The following IGF1 variants were observed in gnomAD, a reference collection of about 807,000 sequenced individuals.
IGF1 encodes the protein insulin-like growth factor 1.
Under a neutral mutation model 13.8 loss-of-function variants are expected in IGF1, and 4 were observed. The observed-to-expected ratio is 0.29, with a 90% CI of 0.14 to 0.66. IGF1 has a LOEUF of 0.66. Ranked by LOEUF, IGF1 falls within the 30% of genes least tolerant of loss-of-function variation. The probability of loss-of-function intolerance (pLI) is 0.78; values close to 1 mark genes in which losing one functional copy is unlikely to be tolerated. For synonymous variants in IGF1, 76 were observed against 72.6 expected, an observed-to-expected ratio of 1.05 and a Z score of -0.23; for missense variants, 124 against 188.5, an observed-to-expected ratio of 0.66 and a Z score of 2.00.
intron 1 of IGF1, among the ~76,000 whole-genome samples, chr12:102,479,476 C>T (rs867831164): frequency 1.3e-5 from 2 of 152,092 alleles, no homozygotes; most frequent in Admixed American, 6.5e-5. Flanking sequence ...GGCCAGCAAT[C>T]GGAAACGAGA....
intron 2 of IGF1, among the ~76,000 whole-genome samples, chr12:102,460,473 G>T (rs1387857346): frequency 6.6e-6 from 1 of 152,190 alleles, no homozygotes; most frequent in African/African-American, 2.4e-5. Flanking sequence ...CTCTTTGAAG[G>T]GATGGCATCA....
rs573337056 is a variant in IGF1 at position 102,438,762 on chromosome 12, CA to C, written c.221-19073del. Among the ~76,000 whole-genome samples the C allele has an allele frequency of 1.3e-3, 201 of 152,230 alleles. 2 individuals are homozygous for C. Among genetic ancestry groups the C allele is most frequent in the African/African-American group, 4.5e-3 (188 of 41,548 alleles). ...TAGTGCTGGGTCTGTCAGAAGAAAA[CA>C]TGAGGGAAGTGGGTTTGCTTTATGG... On this transcript the variant is annotated intron_variant, in intron 2 of 3. Transcript: ENST00000337514.
chr12:102,421,251 C>T (rs970855608), intron 2 of IGF1, among the ~76,000 whole-genome samples: 4 of 152,126 alleles, frequency 2.6e-5, no homozygotes, highest in East Asian at 1.9e-4. Context: ...GTGCAGATCT[C>T]GAAGCAGACC....
At chr12:102,407,846 A>G (rs1351618579) in intron 3 of IGF1, among the ~76,000 whole-genome samples, 1 of 152,218 alleles carries the variant, frequency 6.6e-6, no homozygotes, top group African/African-American at 2.4e-5. Context: ...AATTAGCAAA[A>G]GCAAACTCCC....
At chr12:102,435,352 A>G (rs985060616) in intron 2 of IGF1, among the ~76,000 whole-genome samples, 4 of 152,202 alleles carry the variant, frequency 2.6e-5, no homozygotes, top group East Asian at 1.9e-4. Context: ...GTGAATGGCC[A>G]TTATCTGCCT....
At chr12:102,416,764 A>G (rs1007464936) in intron 3 of IGF1, among the ~76,000 whole-genome samples, 1 of 152,206 alleles carries the variant, frequency 6.6e-6, no homozygotes, top group African/African-American at 2.4e-5. Context: ...TTATCATCAG[A>G]GATCAGAAGT....
chr12:102,426,639 C>T (rs986989361), intron 2 of IGF1, among the ~76,000 whole-genome samples: 3 of 152,182 alleles, frequency 2.0e-5, no homozygotes, highest in Non-Finnish European at 2.9e-5. Context: ...TCAAATAAGG[C>T]GTATGGGCTT....
At chr12:102,407,023 G>A (rs1874209370) in intron 3 of IGF1, among the ~76,000 whole-genome samples, 1 of 146,168 alleles carries the variant, frequency 6.8e-6, no homozygotes, top group Admixed American at 6.9e-5. Context: ...GAACCCAGGA[G>A]GCGGAGGTTG....
At chr12:102,481,233 ATTC>A (rs1485514347), upstream of IGF1, among the ~76,000 whole-genome samples, 4 of 152,060 alleles carry the variant, frequency 2.6e-5, no homozygotes, top group African/African-American at 9.7e-5. Context: ...ATTTTTCTTT[ATTC>A]TTCTACTAGG....
chr12:102,480,215 G>A (rs553607330), intron 1 of IGF1, 104 bp downstream of exon 1: 20 of 1,155,350 alleles, frequency 1.7e-5, no homozygotes, highest in African/African-American at 6.1e-5. Flanking sequence ...TCTCGGTTCC[G>A]AAACAATGAA....
rs567096123 is a variant in IGF1 at position 102,443,407 on chromosome 12, T to C, written c.221-23717A>G. ...CAGCAGCCATCTTGGCCCCTGCAGATGAGGGCCACCATGCTGGGATGGTGA... is the reference window on the plus strand; with the variant it reads ...CAGCAGCCATCTTGGCCCCTGCAGACGAGGGCCACCATGCTGGGATGGTGA... On this transcript the variant is annotated intron_variant, in intron 2 of 3. Transcript: ENST00000337514. Among the ~76,000 whole-genome samples, 5 of 152,190 alleles carry C rather than the reference T, an allele frequency of 3.3e-5. No individual in the cohort carries two copies. In the South Asian group the frequency reaches 1.0e-3, roughly 32 times the overall value.
At chr12:102,477,301 T>A (rs1289495492) in intron 1 of IGF1, among the ~76,000 whole-genome samples, 1 of 150,976 alleles carries the variant, frequency 6.6e-6, no homozygotes, top group Non-Finnish European at 1.5e-5. Context: ...AAAACCCCTG[T>A]CTCTCGTTAA....
intron 2 of IGF1, among the ~76,000 whole-genome samples, chr12:102,445,604 T>G (rs1470856949): frequency 6.6e-6 from 1 of 152,272 alleles, no homozygotes; most frequent in Non-Finnish European, 1.5e-5. Flanking sequence ...GAGACTTTGC[T>G]GAAGTTGCTT....
intron 2 of IGF1, among the ~76,000 whole-genome samples, chr12:102,459,305 G>T (rs920356169): frequency 6.6e-6 from 1 of 152,148 alleles, no homozygotes; most frequent in Non-Finnish European, 1.5e-5. Flanking sequence ...GTCCCTGGAT[G>T]TTGTTTAGAA....
chr12:102,402,677 A>G, intron 3 of IGF1, 111 bp from the exon 4 acceptor site: 3 of 752,918 alleles, frequency 4.0e-6, no homozygotes, highest in Non-Finnish European at 7.4e-6. Flanking sequence ...AGTTGAGCTA[A>G]TAGAGAGCTT....
chr12:102,472,295 G>T (rs1370635405), intron 2 of IGF1, among the ~76,000 whole-genome samples: 3 of 152,068 alleles, frequency 2.0e-5, no homozygotes, highest in African/African-American at 7.2e-5. Flanking sequence ...CTAGAAGGTT[G>T]CTTTCACTTG....
chr12:102,413,359 G>A (rs1290747876), intron 3 of IGF1, among the ~76,000 whole-genome samples: 1 of 152,184 alleles, frequency 6.6e-6, no homozygotes, highest in African/African-American at 2.4e-5. Context: ...CCCAGTGGAT[G>A]TTAATGGACT....
At chr12:102,438,700 A>G (rs1877451218) in intron 2 of IGF1, among the ~76,000 whole-genome samples, 1 of 152,198 alleles carries the variant, frequency 6.6e-6, no homozygotes, top group Non-Finnish European at 1.5e-5. Flanking sequence ...TTACTGAGTA[A>G]CAAGGCATTA....
intron 2 of IGF1, among the ~76,000 whole-genome samples, chr12:102,451,278 G>C (rs1878899142): frequency 6.6e-6 from 1 of 152,222 alleles, no homozygotes; most frequent in Non-Finnish European, 1.5e-5. Flanking sequence ...GGATAAGAGA[G>C]TATTGCTCTC....
Sources: gnomAD v4.1 joint callset for allele counts (sites outside exome capture counted in the v4.1 genomes callset) on GRCh38, gnomAD v4.1.1 for gene constraint, MANE v1.5 for transcripts, NCBI Gene and HGNC (gene_info 2026-07-23, HGNC 2026-07-21) for gene names.